Variants in PRUNE2 observed in about 807,000 individuals in gnomAD.
The protein encoded by PRUNE2 is protein prune homolog 2.
PRUNE2 carries 164 observed loss-of-function variants against 252.0 expected under a neutral mutation model. The observed-to-expected ratio is 0.65, with a 90% confidence interval of 0.57 to 0.74. The LOEUF (loss-of-function observed/expected upper bound fraction) is 0.74. PRUNE2 is among the 30% of genes least tolerant of loss of function. The pLI is 0.00. For synonymous variants in PRUNE2, 1,292 were observed against 1,350.2 expected (o/e 0.96, Z 0.94); for missense variants, 3,495 against 3,711.0 (o/e 0.94, Z 1.51).
Position 76,751,048 on chromosome 9 carries a change from A to G in PRUNE2, c.757-37327T>C, listed in dbSNP as rs116545246. On this transcript the variant is annotated intron_variant, in intron 6 of 18. Coordinates refer to ENST00000376718, the MANE Select transcript of PRUNE2 (RefSeq NM_015225.3). ...AGGCTCCTGCTGTATCAATTTGCCAAGCTTTTTGGCTCAACATATTAGCCC... is the reference window on the plus strand; with the variant it reads ...AGGCTCCTGCTGTATCAATTTGCCAGGCTTTTTGGCTCAACATATTAGCCC... Among the ~76,000 whole-genome samples, 1,282 of 152,342 alleles carry G rather than the reference A, an allele frequency of 8.4e-3. 17 individuals are homozygous for G. The highest frequency in any genetic ancestry group is 0.029 in the African/African-American group (1,203 of 41,560).
chr9:76,643,008 G>A (rs917691810), intron 12 of PRUNE2, among the ~76,000 whole-genome samples: 64 of 152,302 alleles, frequency 4.2e-4, no homozygotes, highest in African/African-American at 1.5e-3. Context: ...AATGGCAAAG[G>A]GAGGAGGTGG....
intron 9 of PRUNE2, chr9:76,692,176 C>A: frequency 2.8e-6 from 2 of 717,256 alleles, no homozygotes; most frequent in Non-Finnish European, 5.2e-6. Context: ...AATACAGATT[C>A]GCCTCCATTT....
intron 1 of PRUNE2, among the ~76,000 whole-genome samples, chr9:76,875,052 G>A (rs1457827874): frequency 6.6e-6 from 1 of 152,000 alleles, no homozygotes; most frequent in African/African-American, 2.4e-5. Flanking sequence ...ACACACCCCA[G>A]TGTGTTTCAA....
In PRUNE2 at chr9:76,706,976, G is replaced by A; in HGVS notation, c.5298C>T (p.Pro1766=). Residue 1766 remains proline, a synonymous_variant, in exon 8 of 19, where the codon CCC becomes CCT. Transcript: ENST00000376718. ...TCTCCGTTAATGGTGAGAAAGTCCA[G>A]GGATCAGGGCTGCTTTGTTGATTGT... ...FCDNQQSSPD[P]WTFSPLTETE... 6.2e-7 allele frequency: 1 copy of A among 1,613,982 alleles called. No individual in the cohort carries two copies.
chr9:76,892,133 ACGCTT>A (rs1326174057), intron 1 of PRUNE2, among the ~76,000 whole-genome samples: 2 of 152,166 alleles, frequency 1.3e-5, no homozygotes, highest in Admixed American at 1.3e-4. Context: ...AGTTTCTGTT[ACGCTT>A]GTCTCAACTC....
intron 6 of PRUNE2, among the ~76,000 whole-genome samples, chr9:76,774,450 CTTTTTTTTTTTTTTTTT>C (rs869289049): frequency 2.9e-4 from 12 of 41,402 alleles, no homozygotes; most frequent in Admixed American, 9.9e-4. Flanking sequence ...CAGTTCAACC[CTTTTTTTTTTTTTTTTT>C]TTTTTTTTTT....
intron 9 of PRUNE2, among the ~76,000 whole-genome samples, chr9:76,671,343 A>G (rs1067433): frequency 0.65 from 94,218 of 144,688 alleles, 32,640 homozygotes; most frequent in Non-Finnish European, 0.77. Context: ...CGAGAAGGGA[A>G]GTCTAGAGAA....
Position 76,615,317 on chromosome 9 carries a change from A to G in PRUNE2, c.9237-717T>C, listed in dbSNP as rs1029996194. On this transcript the variant is annotated intron_variant, in intron 18 of 18. Transcript: ENST00000376718. ...TTTCAGTTGCGATAAAAGAGAAACTATTAGTTTGCAAAGGGTGATTTGGCA... is the reference window on the plus strand; with the variant it reads ...TTTCAGTTGCGATAAAAGAGAAACTGTTAGTTTGCAAAGGGTGATTTGGCA... 8 of 832,658 alleles carry G rather than the reference A, an allele frequency of 9.6e-6. No homozygotes were observed. In the African/African-American group the frequency reaches 1.5e-4, roughly 15 times the overall value. 51.6% of individuals were successfully genotyped at this position (832,658 alleles called of 1,614,324 possible).
chr9:76,818,600 C>G (rs1162314072), intron 6 of PRUNE2, among the ~76,000 whole-genome samples: 1 of 152,020 alleles, frequency 6.6e-6, no homozygotes, highest in East Asian at 1.9e-4. Context: ...CACAGCAGAA[C>G]AGCCCAGAAA....
chr9:76,756,494 C>A (rs2051162763), intron 6 of PRUNE2, among the ~76,000 whole-genome samples: 1 of 152,228 alleles, frequency 6.6e-6, no homozygotes, highest in South Asian at 2.1e-4. Context: ...AACTAGGAAC[C>A]AGGCGCTGGC....
intron 12 of PRUNE2, among the ~76,000 whole-genome samples, chr9:76,643,277 G>A (rs1843314042): frequency 6.6e-6 from 1 of 152,160 alleles, no homozygotes; most frequent in South Asian, 2.1e-4. Context: ...AGGAGCTGAT[G>A]TTTATAGGGC....
At chr9:76,795,619 C>G (rs972776055) in intron 6 of PRUNE2, among the ~76,000 whole-genome samples, 3 of 151,918 alleles carry the variant, frequency 2.0e-5, no homozygotes, top group African/African-American at 7.3e-5. Context: ...TGTACACGAG[C>G]CTAAAAGGGG....
intron 6 of PRUNE2, among the ~76,000 whole-genome samples, chr9:76,803,863 C>T (rs959920547): frequency 6.6e-6 from 1 of 152,316 alleles, no homozygotes; most frequent in South Asian, 2.1e-4. Context: ...TATACTGACA[C>T]TTTGTCTCAT....
At chr9:76,753,028 C>A (rs1754427908) in intron 6 of PRUNE2, among the ~76,000 whole-genome samples, 1 of 152,070 alleles carries the variant, frequency 6.6e-6, no homozygotes, top group African/African-American at 2.4e-5. Flanking sequence ...TTCAAAGATA[C>A]ACTGTTTTGT....
chr9:76,665,220 C>T (rs754700949), intron 9 of PRUNE2, among the ~76,000 whole-genome samples: 36 of 152,328 alleles, frequency 2.4e-4, no homozygotes, highest in Non-Finnish European at 4.6e-4. Flanking sequence ...CTTGACCTGG[C>T]CCCTAAGCCC....
chr9:76,780,493 C>T (rs188809790), intron 6 of PRUNE2, among the ~76,000 whole-genome samples: 1 of 152,188 alleles, frequency 6.6e-6, no homozygotes, highest in African/African-American at 2.4e-5. Context: ...CAAGACCATC[C>T]TGGCTAACAC....
At chr9:76,683,445 T>G (rs891310048) in intron 9 of PRUNE2, among the ~76,000 whole-genome samples, 3 of 152,190 alleles carry the variant, frequency 2.0e-5, no homozygotes, top group African/African-American at 7.2e-5. Flanking sequence ...AGAGCCAGAT[T>G]AGTTCTTAGG....
chr9:76,714,223 C>CTGGGAGATTTTTAAAAGAGCTGTGA (rs151045237), intron 6 of PRUNE2, among the ~76,000 whole-genome samples: 2,729 of 152,016 alleles, frequency 0.018, 43 homozygotes, highest in East Asian at 0.084. Context: ...GTGTAGAATT[C>CTGGGAGATTTTTAAAAGAGCTGTGA]TGGGAGATTT....
At chr9:76,630,025 C>A (rs1836792903) in intron 15 of PRUNE2, among the ~76,000 whole-genome samples, 1 of 152,088 alleles carries the variant, frequency 6.6e-6, no homozygotes, top group Non-Finnish European at 1.5e-5. Flanking sequence ...CTATACTAAC[C>A]TGGGCAGTCT....
Sources: allele counts gnomAD v4.1 joint callset (sites outside exome capture counted in the v4.1 genomes callset), GRCh38; gene constraint gnomAD v4.1.1; transcripts MANE v1.5; gene names NCBI Gene and HGNC (gene_info 2026-07-23, HGNC 2026-07-21).